The following SPOP variants were observed in gnomAD, a reference collection of about 807,000 sequenced individuals.
SPOP encodes speckle type BTB/POZ protein.
SPOP carries 11 observed loss-of-function variants against 45.6 expected under a neutral mutation model. The ratio of observed to expected loss-of-function variants is 0.24; its 90% confidence interval spans 0.15 to 0.40. The LOEUF (loss-of-function observed/expected upper bound fraction) is 0.40, where lower values mean the gene tolerates loss of function less well. SPOP is among the 10% of genes least tolerant of loss of function. The pLI is 1.00. For missense variants in SPOP, 152 were observed against 465.6 expected (o/e 0.33, Z 6.20); for synonymous variants, 166 against 166.3 (o/e 1.00, Z 0.01).
At chr17:49,633,945 T>C (rs2072497442) in intron 1 of SPOP, among the ~76,000 whole-genome samples, 1 of 151,402 alleles carries the variant, frequency 6.6e-6, no homozygotes, top group Non-Finnish European at 1.5e-5. Context: ...TCTGGGTTAA[T>C]ACCATCAGGT....
At chr17:49,622,252 G>T in intron 2 of SPOP, 185 bp from the exon 3 acceptor site, 1 of 739,414 alleles carries the variant, frequency 1.4e-6, no homozygotes, top group Non-Finnish European at 2.3e-6. Context: ...CTGACCAATA[G>T]CTTTTATAAC....
intron 1 of SPOP, among the ~76,000 whole-genome samples, chr17:49,668,773 A>C (rs935655708): frequency 4.7e-5 from 7 of 149,468 alleles, no homozygotes; most frequent in South Asian, 2.1e-4. Context: ...ATATATACAT[A>C]TCTTTTTTTT....
rs753952194 is a variant in SPOP, at chr17:49,600,559, G to A, written c.981-37C>T. The A allele has an allele frequency of 1.9e-6, 3 of 1,612,814 alleles. No individual in the cohort carries two copies. Among genetic ancestry groups the A allele is most frequent in the East Asian group, 2.2e-5 (1 of 44,864 alleles). On this transcript the variant is annotated intron_variant, in intron 9 of 9. Coordinates refer to ENST00000504102, the MANE Select transcript of SPOP (RefSeq NM_001007228.2). The surrounding 1 kb of genome is among the most constrained non-coding windows in gnomAD (Gnocchi z 4.2). ...GTGGAGAAATGGGTTACCAAAGGGA[G>A]TGAGCAAGGGATGAATTCAACAGCC...
At chr17:49,617,982 G>T (rs972364607) in intron 5 of SPOP, among the ~76,000 whole-genome samples, 2 of 151,664 alleles carry the variant, frequency 1.3e-5, no homozygotes, top group Non-Finnish European at 2.9e-5. Flanking sequence ...CGACCGCTAG[G>T]CCTTTTCTGC....
At chr17:49,632,514 C>CA (rs2072469234) in intron 1 of SPOP, among the ~76,000 whole-genome samples, 2 of 149,978 alleles carry the variant, frequency 1.3e-5, no homozygotes, top group African/African-American at 4.9e-5. Context: ...TTTTTCCAGA[C>CA]AGAGTTTCAT....
intron 1 of SPOP, among the ~76,000 whole-genome samples, chr17:49,637,179 A>C (rs1455535557): frequency 6.6e-6 from 1 of 151,970 alleles, no homozygotes; most frequent in Admixed American, 6.6e-5. Context: ...GATTCCGGTG[A>C]CCTCAAAATC....
At chr17:49,646,999 T>C (rs1038938377) in intron 1 of SPOP, among the ~76,000 whole-genome samples, 4 of 152,040 alleles carry the variant, frequency 2.6e-5, no homozygotes, top group African/African-American at 9.7e-5. Flanking sequence ...TATGAAAGTA[T>C]GTTCTTTTGG....
At chr17:49,615,182 G>A (rs1201930440) in intron 5 of SPOP, among the ~76,000 whole-genome samples, 2 of 152,104 alleles carry the variant, frequency 1.3e-5, no homozygotes, top group Non-Finnish European at 2.9e-5. Flanking sequence ...GCCTGGGCAA[G>A]ATCAAGATCC....
intron 1 of SPOP, among the ~76,000 whole-genome samples, chr17:49,647,283 T>C (rs2072774063): frequency 7.3e-6 from 1 of 136,838 alleles, no homozygotes; most frequent in African/African-American, 2.8e-5. Flanking sequence ...GCACTCCAGC[T>C]TGGGCTACAG....
intron 1 of SPOP, among the ~76,000 whole-genome samples, chr17:49,655,383 C>T (rs973763761): frequency 2.2e-4 from 33 of 151,798 alleles, no homozygotes; most frequent in African/African-American, 6.5e-4. Flanking sequence ...TGGTGGCGGG[C>T]ACCTGTAGTC....
chr17:49,621,735 TG>T lies in SPOP; in HGVS notation c.200+210del, dbSNP rs534095162. ...ACATTACCCTATAGCTTGAGTTTGC[TG>T]ATTTCTGATATACTCATTGAATTAG... On this transcript the variant is annotated intron_variant, in intron 3 of 9. Transcript: ENST00000504102. 3.3e-5 allele frequency among the ~76,000 whole-genome samples: 5 copies of T among 152,376 alleles called. No homozygotes were observed. The East Asian group carries it at 9.6e-4, about 29-fold the overall frequency.
chr17:49,613,274 T>TAAAA (rs78472735), intron 5 of SPOP, among the ~76,000 whole-genome samples: 2 of 122,496 alleles, frequency 1.6e-5, no homozygotes, highest in Non-Finnish European at 3.6e-5. Context: ...AATACTAATT[T>TAAAA]AAAAAAAAAA....
intron 1 of SPOP, among the ~76,000 whole-genome samples, chr17:49,626,884 C>T (rs1030108503): frequency 6.6e-6 from 1 of 152,064 alleles, no homozygotes; most frequent in Non-Finnish European, 1.5e-5. Context: ...CGGAATCTTT[C>T]TCTGTCGCCC....
intron 1 of SPOP, among the ~76,000 whole-genome samples, chr17:49,666,696 T>C (rs1480322971): frequency 6.6e-6 from 1 of 151,808 alleles, no homozygotes; most frequent in Non-Finnish European, 1.5e-5. Flanking sequence ...GGTGTGGTGG[T>C]GGGCACCTGT....
At chr17:49,620,353 T>C (rs1189507736) in intron 3 of SPOP, among the ~76,000 whole-genome samples, 1 of 145,282 alleles carries the variant, frequency 6.9e-6, no homozygotes, top group Non-Finnish European at 1.5e-5. Flanking sequence ...CTGTAATCCC[T>C]GCTTCTCTGG....
intron 5 of SPOP, among the ~76,000 whole-genome samples, chr17:49,615,956 T>C (rs554387682): frequency 2.1e-4 from 32 of 152,268 alleles, no homozygotes; most frequent in African/African-American, 7.7e-4. Flanking sequence ...TAAGGGACAA[T>C]TCAGGAAATG....
At chr17:49,670,630 A>C (rs2073124319) in intron 1 of SPOP, among the ~76,000 whole-genome samples, 2 of 152,200 alleles carry the variant, frequency 1.3e-5, no homozygotes, top group Non-Finnish European at 1.5e-5. Context: ...TTTAGAATGC[A>C]GTTCTGCTGT....
chr17:49,637,821 TGG>T (rs2072570975), intron 1 of SPOP, among the ~76,000 whole-genome samples: 1 of 152,252 alleles, frequency 6.6e-6, no homozygotes, highest in Admixed American at 6.5e-5. Context: ...AAGTGCTCTA[TGG>T]GTAAATTACA....
At chr17:49,667,708 T>G (rs147953253) in intron 1 of SPOP, among the ~76,000 whole-genome samples, 228 of 152,240 alleles carry the variant, frequency 1.5e-3, no homozygotes, top group African/African-American at 5.2e-3. Flanking sequence ...CTCAAAAAAT[T>G]AGAAATAGAA....
Sources: allele counts gnomAD v4.1 joint callset (sites outside exome capture counted in the v4.1 genomes callset), GRCh38; gene constraint gnomAD v4.1.1; non-coding constraint Gnocchi (gnomAD v3.1); transcripts MANE v1.5; gene names NCBI Gene and HGNC (gene_info 2026-07-23, HGNC 2026-07-21).